The following TNR variants were observed in gnomAD, a reference collection of about 807,000 sequenced individuals.
TNR encodes tenascin R.
Under a neutral mutation model 150.4 loss-of-function variants are expected in TNR, and 45 were observed. The observed-to-expected ratio is 0.30, with a 90% CI of 0.24 to 0.38. The LOEUF is 0.38. Ranked by LOEUF, TNR falls within the 10% of genes least tolerant of loss-of-function variation. The pLI, the probability that TNR is intolerant of heterozygous loss-of-function variation, is 1.00. For missense variants in TNR, 1,544 were observed against 1,759.1 expected, an observed-to-expected ratio of 0.88 and a Z score of 2.19; for synonymous variants, 687 against 678.4, an observed-to-expected ratio of 1.01 and a Z score of -0.20.
chr1:175,364,101 A>G (rs1019713299), intron 12 of TNR, among the ~76,000 whole-genome samples: 2 of 152,182 alleles, frequency 1.3e-5, no homozygotes, highest in African/African-American at 4.8e-5. Context: ...GCCAACTAGG[A>G]ACTTTTTTTT....
At chr1:175,720,245 T>C (rs539884730) in intron 1 of TNR, among the ~76,000 whole-genome samples, 2 of 152,280 alleles carry the variant, frequency 1.3e-5, no homozygotes, top group East Asian at 3.9e-4. Context: ...CAGAGCTCAC[T>C]TGCTCTCTTG....
chr1:175,576,287 C>T (rs1662107938), intron 1 of TNR, among the ~76,000 whole-genome samples: 1 of 152,076 alleles, frequency 6.6e-6, no homozygotes, highest in African/African-American at 2.4e-5. Context: ...ACCGGTTTTC[C>T]CTGAAAGAGA....
chr1:175,591,335 C>G (rs1043473420), intron 1 of TNR, among the ~76,000 whole-genome samples: 3 of 152,192 alleles, frequency 2.0e-5, no homozygotes, highest in African/African-American at 7.2e-5. Context: ...TAAATAACAG[C>G]AGAAATGAAC....
intron 1 of TNR, among the ~76,000 whole-genome samples, chr1:175,615,596 A>G (rs1663747791): frequency 6.6e-6 from 1 of 151,994 alleles, no homozygotes; most frequent in African/African-American, 2.4e-5. Flanking sequence ...AACTCAGATG[A>G]GTGTGAGCTC....
chr1:175,547,142 C>G (rs1660721355), intron 1 of TNR, among the ~76,000 whole-genome samples: 1 of 152,198 alleles, frequency 6.6e-6, no homozygotes, highest in African/African-American at 2.4e-5. Flanking sequence ...TCAAGTAGGC[C>G]CCTTTGCCTC....
rs1275447589 is a variant in TNR, at chr1:175,406,709, C to T, written c.6G>A (p.Gly2=). The T allele has an allele frequency of 1.9e-6, 3 of 1,613,540 alleles. No homozygotes were observed. In the East Asian group the frequency reaches 6.7e-5, roughly 36 times the overall value. Residue 2 remains glycine, a synonymous_variant, in exon 3 of 23, where the codon GGG becomes GGA. Coordinates refer to ENST00000367674, the MANE Select transcript of TNR (RefSeq NM_003285.3). ...TCAGAACCACTGTTTCCCCATCTGCCCCCATCCTCTCAGCCAGAGATCTGG... is the reference window on the plus strand; with the variant it reads ...TCAGAACCACTGTTTCCCCATCTGCTCCCATCCTCTCAGCCAGAGATCTGG... The part of the protein sequence containing the change: M[G]ADGETVVLKN...
intron 1 of TNR, among the ~76,000 whole-genome samples, chr1:175,713,651 A>T (rs1213861068): frequency 6.6e-6 from 1 of 152,186 alleles, no homozygotes; most frequent in Non-Finnish European, 1.5e-5. Context: ...CTTCATTGTC[A>T]TTAAGCCACC....
intron 18 of TNR, among the ~76,000 whole-genome samples, chr1:175,338,426 A>C (rs1557873075): frequency 6.6e-6 from 1 of 152,208 alleles, no homozygotes; most frequent in Non-Finnish European, 1.5e-5. Flanking sequence ...GCTTCAGGGC[A>C]AATTTTAATG....
At chr1:175,656,150 G>A (rs899174760) in intron 1 of TNR, among the ~76,000 whole-genome samples, 1 of 135,600 alleles carries the variant, frequency 7.4e-6, no homozygotes, top group Non-Finnish European at 1.5e-5. Context: ...AAGTGTGTGT[G>A]TGTGTGTGTG....
rs919230435 is a variant in TNR, at chr1:175,318,212, C to A, written c.*5145G>T. On this transcript the variant is annotated 3_prime_UTR_variant, in exon 23 of 23. Transcript: ENST00000367674. ...TCTGGTGGGAGGCTGGAGGCCAGAACGTGAGAAGCCAATGCTGCTTCCTCT... is the reference window on the plus strand; with the variant it reads ...TCTGGTGGGAGGCTGGAGGCCAGAAAGTGAGAAGCCAATGCTGCTTCCTCT... 6 of 152,236 alleles carry A rather than the reference C, an allele frequency of 3.9e-5. No homozygotes were observed. The highest frequency in any genetic ancestry group is 8.8e-5 in the Non-Finnish European group (6 of 68,060). 9.4% of individuals were successfully genotyped at this position (152,236 alleles called of 1,614,324 possible).
At chr1:175,676,985 A>G (rs1442905762) in intron 1 of TNR, among the ~76,000 whole-genome samples, 1 of 152,226 alleles carries the variant, frequency 6.6e-6, no homozygotes. Flanking sequence ...CTCAGAGGGT[A>G]AGTGACCAGT....
intron 1 of TNR, among the ~76,000 whole-genome samples, chr1:175,569,256 G>T (rs947000555): frequency 3.3e-5 from 5 of 152,170 alleles, no homozygotes; most frequent in African/African-American, 9.7e-5. Context: ...CTGCAGACAG[G>T]TCTTCAAGAG....
chr1:175,480,619 A>G (rs1038974364), intron 2 of TNR, among the ~76,000 whole-genome samples: 1 of 152,130 alleles, frequency 6.6e-6, no homozygotes, highest in African/African-American at 2.4e-5. Context: ...AGTATTTTAC[A>G]TGACATTCAT....
chr1:175,696,374 G>T (rs1666527008), intron 1 of TNR, among the ~76,000 whole-genome samples: 1 of 151,964 alleles, frequency 6.6e-6, no homozygotes, highest in Non-Finnish European at 1.5e-5. Context: ...TTTAACACGT[G>T]GAGAGCAGGG....
intron 2 of TNR, among the ~76,000 whole-genome samples, chr1:175,426,854 A>AT (rs1654999721): frequency 1.7e-5 from 1 of 60,444 alleles, no homozygotes; most frequent in African/African-American, 8.4e-5. Flanking sequence ...ATAAAATATA[A>AT]ATATATATAA....
intron 9 of TNR, among the ~76,000 whole-genome samples, chr1:175,375,173 T>C (rs1013452125): frequency 1.6e-5 from 1 of 61,636 alleles, no homozygotes; most frequent in African/African-American, 5.8e-5. Context: ...CTAAATGATT[T>C]GTTGTTTTTT....
chr1:175,657,853 G>T (rs1230150906), intron 1 of TNR, among the ~76,000 whole-genome samples: 3 of 70,486 alleles, frequency 4.3e-5, no homozygotes, highest in East Asian at 3.3e-4. Flanking sequence ...CATGGAACAT[G>T]TATATATATA....
intron 2 of TNR, among the ~76,000 whole-genome samples, chr1:175,434,985 T>G (rs1399898394): frequency 6.6e-6 from 1 of 152,224 alleles, no homozygotes; most frequent in East Asian, 1.9e-4. Flanking sequence ...TCATTGCACT[T>G]TTACGTTGCC....
At chr1:175,725,614 T>G (rs1667456761) in intron 1 of TNR, among the ~76,000 whole-genome samples, 1 of 152,068 alleles carries the variant, frequency 6.6e-6, no homozygotes. Flanking sequence ...GGATCACAAT[T>G]TGGGGAAAAA....
Sources: gnomAD v4.1 joint callset for allele counts (sites outside exome capture counted in the v4.1 genomes callset) on GRCh38, gnomAD v4.1.1 for gene constraint, MANE v1.5 for transcripts, NCBI Gene and HGNC (gene_info 2026-07-23, HGNC 2026-07-21) for gene names.